The following HDAC9 variants were observed in gnomAD, a reference collection of about 807,000 sequenced individuals.
HDAC9 encodes the protein histone deacetylase 9.
HDAC9 carries 41 observed loss-of-function variants against 139.4 expected under a neutral mutation model. That is an observed-to-expected ratio of 0.29 (90% CI 0.23 to 0.38). HDAC9 has a LOEUF of 0.38. Ranked by LOEUF, HDAC9 falls within the 10% of genes least tolerant of loss-of-function variation. The pLI is 1.00. For missense variants in HDAC9, 1,147 were observed against 1,297.0 expected (o/e 0.88, Z 1.78); for synonymous variants, 517 against 476.2 (o/e 1.09, Z -1.12).
chr7:18,749,023 T>C lies in HDAC9; in HGVS notation c.1928T>C (p.Leu643Ser). Residue 643 changes from leucine to serine, a missense_variant, in exon 14 of 26, where the codon TTG becomes TCG. By Grantham distance (145) the Leu-to-Ser change is moderately radical. Around this residue, in one of 7 missense-constraint regions of HDAC9, gnomAD observed 256 missense variants for 219.2 expected, o/e 1.17. Transcript: ENST00000686413. The stretch of plus-strand genomic sequence containing the variant: ...CTTAAAGGAATTGCCTATGACCCCT[T>C]GATGCTGAAACACCAGTGCGTTTGT... ...GSATGIAYDP[L>S]MLKHQCVCGN... The C allele has an allele frequency of 6.2e-7, 1 of 1,613,636 alleles. No individual in the cohort carries two copies. The highest frequency in any genetic ancestry group is 1.1e-5 in the South Asian group (1 of 90,990).
intron 1 of HDAC9, among the ~76,000 whole-genome samples, chr7:18,369,882 A>C (rs1784464288): frequency 6.6e-6 from 1 of 152,080 alleles, no homozygotes; most frequent in Non-Finnish European, 1.5e-5. Context: ...AAGTTTATAG[A>C]GAATCTTTAA....
upstream of HDAC9, among the ~76,000 whole-genome samples, chr7:18,286,999 C>T (rs17138914): frequency 0.043 from 6,483 of 152,146 alleles, 219 homozygotes; most frequent in East Asian, 0.16. Context: ...ATTCCATTAC[C>T]AGGCATATCC....
At chr7:18,200,609 CT>C (rs1380937852) in intron 2 of HDAC9, among the ~76,000 whole-genome samples, 1 of 152,102 alleles carries the variant, frequency 6.6e-6, no homozygotes, top group Non-Finnish European at 1.5e-5. Flanking sequence ...TAATATGGGA[CT>C]TTATTGGGGT....
intron 1 of HDAC9, among the ~76,000 whole-genome samples, chr7:18,111,799 C>T (rs1783637651): frequency 6.6e-6 from 1 of 152,094 alleles, no homozygotes; most frequent in African/African-American, 2.4e-5. Flanking sequence ...GGGAATGTTG[C>T]CAAGAGGTCA....
At chr7:18,417,182 A>C (rs1789154616) in intron 1 of HDAC9, among the ~76,000 whole-genome samples, 2 of 152,048 alleles carry the variant, frequency 1.3e-5, no homozygotes, top group Non-Finnish European at 2.9e-5. Flanking sequence ...CACATTTACT[A>C]ATCTTTTCTT....
At chr7:18,869,147 G>GATGT (rs1798715088) in intron 21 of HDAC9, among the ~76,000 whole-genome samples, 1 of 138,128 alleles carries the variant, frequency 7.2e-6, no homozygotes, top group African/African-American at 2.8e-5. Context: ...TCACAATTGG[G>GATGT]GTGTGTGTGT....
At chr7:18,208,005 T>C (rs1171789815) in intron 2 of HDAC9, among the ~76,000 whole-genome samples, 4 of 152,132 alleles carry the variant, frequency 2.6e-5, no homozygotes. Context: ...TGAGCCACTG[T>C]GCTCGGCCTA....
At chr7:18,267,194 T>A (rs4361680) in intron 2 of HDAC9, among the ~76,000 whole-genome samples, 58,625 of 151,974 alleles carry the variant, frequency 0.39, 12,683 homozygotes, top group Admixed American at 0.51. Flanking sequence ...TTAATTGACT[T>A]TATAATGTAT....
chr7:18,921,624 TTGG>T (rs1257535655), intron 22 of HDAC9, among the ~76,000 whole-genome samples: 1 of 152,146 alleles, frequency 6.6e-6, no homozygotes, highest in Non-Finnish European at 1.5e-5. Flanking sequence ...TTTTACACTG[TTGG>T]TGGGACTGTT....
At chr7:18,825,349 A>G (rs1795339861) in intron 17 of HDAC9, among the ~76,000 whole-genome samples, 1 of 152,184 alleles carries the variant, frequency 6.6e-6, no homozygotes, top group South Asian at 2.1e-4. Flanking sequence ...GAGATTGATT[A>G]GGAAGGGGAA....
At chr7:18,427,408 T>C (rs1464361381) in intron 1 of HDAC9, among the ~76,000 whole-genome samples, 2 of 148,238 alleles carry the variant, frequency 1.3e-5, no homozygotes, top group Non-Finnish European at 3.0e-5. Flanking sequence ...TTTTATTTCT[T>C]TATTTTTTTT....
chr7:18,203,001 C>T (rs555090493), intron 2 of HDAC9, among the ~76,000 whole-genome samples: 3 of 152,280 alleles, frequency 2.0e-5, no homozygotes, highest in African/African-American at 7.2e-5. Flanking sequence ...GCAGTTTAAA[C>T]GAGTGTCTGA....
Position 18,979,964 on chromosome 7 carries a change from T to C in HDAC9, c.3170+4011T>C, listed in dbSNP as rs1430147863. 2.0e-5 allele frequency among the ~76,000 whole-genome samples: 3 copies of C among 152,312 alleles called. No homozygotes were observed. In the South Asian group the frequency reaches 6.2e-4, roughly 32 times the overall value. ...AATGAGATTTGGGCAGGAACATTTATCCAAACTATATTAGCAGGCAAATTT... is the reference window on the plus strand; with the variant it reads ...AATGAGATTTGGGCAGGAACATTTACCCAAACTATATTAGCAGGCAAATTT... On this transcript the variant is annotated intron_variant, in intron 25 of 25. Coordinates refer to ENST00000686413, the MANE Select transcript of HDAC9 (RefSeq NM_178425.4).
At chr7:18,503,599 T>C (rs1237678697) in intron 2 of HDAC9, among the ~76,000 whole-genome samples, 1 of 152,176 alleles carries the variant, frequency 6.6e-6, no homozygotes, top group Non-Finnish European at 1.5e-5. Context: ...GTGTACAGTG[T>C]TTCTTAAATA....
At chr7:18,575,189 G>A (rs1386959217) in intron 2 of HDAC9, among the ~76,000 whole-genome samples, 2 of 152,180 alleles carry the variant, frequency 1.3e-5, no homozygotes, top group African/African-American at 4.8e-5. Flanking sequence ...TTTTAATGAA[G>A]AGCCTTCAGT....
intron 6 of HDAC9, among the ~76,000 whole-genome samples, chr7:18,595,179 A>G (rs1254791741): frequency 6.6e-6 from 1 of 152,048 alleles, no homozygotes; most frequent in Non-Finnish European, 1.5e-5. Context: ...ATGTTTAACT[A>G]TTGCAAAACA....
At chr7:18,923,586 A>G (rs542951338) in intron 22 of HDAC9, among the ~76,000 whole-genome samples, 1 of 152,174 alleles carries the variant, frequency 6.6e-6, no homozygotes, top group East Asian at 1.9e-4. Flanking sequence ...CAATCTTGTC[A>G]TCTTCTTTCA....
chr7:18,335,139 A>G (rs1051545187), intron 1 of HDAC9, among the ~76,000 whole-genome samples: 5 of 151,476 alleles, frequency 3.3e-5, no homozygotes, highest in African/African-American at 1.2e-4. Flanking sequence ...AGAATTGTCA[A>G]CTTACTTCCC....
At chr7:18,679,688 T>G (rs1341291627) in intron 12 of HDAC9, among the ~76,000 whole-genome samples, 1 of 151,874 alleles carries the variant, frequency 6.6e-6, no homozygotes, top group Non-Finnish European at 1.5e-5. Flanking sequence ...TCAGTTACTC[T>G]TTAATATAGT....
Sources: allele counts gnomAD v4.1 joint callset (sites outside exome capture counted in the v4.1 genomes callset), GRCh38; gene constraint gnomAD v4.1.1; regional missense constraint gnomAD v4.1.1; transcripts MANE v1.5; gene names NCBI Gene and HGNC (gene_info 2026-07-23, HGNC 2026-07-21).